Variants in EIF3H observed in about 807,000 individuals in gnomAD.
The protein encoded by EIF3H is eIF-3-gamma.
In EIF3H, 26 loss-of-function variants were observed where a neutral mutation model predicts 44.2. The observed-to-expected ratio is 0.59, with a 90% CI of 0.43 to 0.82. The LOEUF (loss-of-function observed/expected upper bound fraction) is 0.82. EIF3H is among the 40% of genes least tolerant of loss of function. The pLI, the probability that EIF3H is intolerant of heterozygous loss-of-function variation, is 0.00. For synonymous variants in EIF3H, 166 were observed against 151.9 expected (o/e 1.09, Z -0.68); for missense variants, 359 against 432.8 (o/e 0.83, Z 1.51).
intron 2 of EIF3H, among the ~76,000 whole-genome samples, chr8:116,668,974 G>A (rs7833618): frequency 0.037 from 5,577 of 152,108 alleles, 333 homozygotes; most frequent in African/African-American, 0.13. Flanking sequence ...GGAGTGTTAC[G>A]CAAGCTCCCC....
At chr8:116,729,593 T>C (rs1487364403) in intron 1 of EIF3H, among the ~76,000 whole-genome samples, 1 of 152,184 alleles carries the variant, frequency 6.6e-6, no homozygotes, top group Non-Finnish European at 1.5e-5. Flanking sequence ...TTATCCTCAG[T>C]TCTTTACAAT....
intron 2 of EIF3H, among the ~76,000 whole-genome samples, chr8:116,700,858 T>C (rs1814363220): frequency 6.6e-6 from 1 of 152,202 alleles, no homozygotes; most frequent in Non-Finnish European, 1.5e-5. Context: ...CTATCACTGC[T>C]AATTTACTTA....
At chr8:116,729,839 T>C (rs895971780) in intron 1 of EIF3H, among the ~76,000 whole-genome samples, 1 of 152,184 alleles carries the variant, frequency 6.6e-6, no homozygotes, top group Admixed American at 6.5e-5. Flanking sequence ...TTAGTCTTAC[T>C]TTGAAGGCAA....
intron 2 of EIF3H, among the ~76,000 whole-genome samples, chr8:116,707,565 C>G (rs80201052): frequency 6.6e-6 from 1 of 151,598 alleles, no homozygotes; most frequent in African/African-American, 2.4e-5. Flanking sequence ...ACGTGAGATA[C>G]TTATTTGATA....
At chr8:116,688,216 C>G (rs1369284255) in intron 2 of EIF3H, among the ~76,000 whole-genome samples, 5 of 152,078 alleles carry the variant, frequency 3.3e-5, no homozygotes, top group South Asian at 4.1e-4. Context: ...ATGCAATATG[C>G]TTGAAACACA....
At chr8:116,751,804 G>A (rs1279250983) in intron 1 of EIF3H, among the ~76,000 whole-genome samples, 1 of 152,164 alleles carries the variant, frequency 6.6e-6, no homozygotes, top group East Asian at 1.9e-4. Flanking sequence ...CCCAGACATT[G>A]TTCTAGTTAT....
intron 2 of EIF3H, among the ~76,000 whole-genome samples, chr8:116,714,513 T>C (rs1332953577): frequency 1.3e-5 from 2 of 152,234 alleles, no homozygotes; most frequent in Admixed American, 1.3e-4. Flanking sequence ...GCTGGCTAAA[T>C]GCTGAAGTGA....
upstream of EIF3H, chr8:116,755,890 G>T: frequency 1.9e-6 from 3 of 1,567,384 alleles, no homozygotes; most frequent in Non-Finnish European, 2.6e-6. Flanking sequence ...GGCGTTCGAG[G>T]GGCGGAGACG....
At chr8:116,666,964 T>C (rs929694511) in intron 2 of EIF3H, among the ~76,000 whole-genome samples, 1 of 152,210 alleles carries the variant, frequency 6.6e-6, no homozygotes, top group Non-Finnish European at 1.5e-5. Flanking sequence ...TGTGTGTGCA[T>C]ACACCTGTGT....
At chr8:116,687,850 C>CGTA (rs1814102154) in intron 2 of EIF3H, among the ~76,000 whole-genome samples, 1 of 151,926 alleles carries the variant, frequency 6.6e-6, no homozygotes, top group South Asian at 2.1e-4. Context: ...TCCAAGATAC[C>CGTA]CATCTAGAAT....
chr8:116,661,426 T>C (rs1363323208), intron 2 of EIF3H, among the ~76,000 whole-genome samples: 1 of 152,202 alleles, frequency 6.6e-6, no homozygotes, highest in African/African-American at 2.4e-5. Flanking sequence ...AGACTTGGAA[T>C]CTAGAGGTCG....
intron 2 of EIF3H, among the ~76,000 whole-genome samples, chr8:116,717,501 C>T (rs934813788): frequency 6.6e-5 from 10 of 151,942 alleles, no homozygotes; most frequent in African/African-American, 2.4e-4. Context: ...CTTCAAACTA[C>T]TGTGAGGCCA....
chr8:116,671,492 G>A (rs751279680), intron 2 of EIF3H, among the ~76,000 whole-genome samples: 4 of 152,284 alleles, frequency 2.6e-5, no homozygotes, highest in East Asian at 1.9e-4. Flanking sequence ...AGACCAACGC[G>A]TTAAATGGCT....
intron 2 of EIF3H, among the ~76,000 whole-genome samples, chr8:116,680,198 T>TGGA (rs1554599272): frequency 2.0e-4 from 1 of 5,088 alleles, no homozygotes; most frequent in Non-Finnish European, 6.7e-4. Flanking sequence ...TCCGGGAGGG[T>TGGA]GGGGGGGGGG....
intron 2 of EIF3H, among the ~76,000 whole-genome samples, chr8:116,698,130 T>C (rs1814301110): frequency 6.6e-6 from 1 of 152,160 alleles, no homozygotes; most frequent in Non-Finnish European, 1.5e-5. Flanking sequence ...CCGAGGGCCA[T>C]TATCATGGCT....
At chr8:116,762,760 T>A (rs1008539539) in intron 1 of EIF3H, among the ~76,000 whole-genome samples, 4 of 152,058 alleles carry the variant, frequency 2.6e-5, no homozygotes, top group African/African-American at 9.7e-5. Flanking sequence ...CTGGCCAGCA[T>A]AGTGAAACCC....
At chr8:116,672,827 G>C (rs957258338) in intron 2 of EIF3H, among the ~76,000 whole-genome samples, 47 of 151,942 alleles carry the variant, frequency 3.1e-4, no homozygotes, top group African/African-American at 1.1e-3. Flanking sequence ...CTCAAGATCT[G>C]TCATCAGATC....
At chr8:116,745,413 T>A (rs1047711784) in intron 1 of EIF3H, among the ~76,000 whole-genome samples, 2 of 152,152 alleles carry the variant, frequency 1.3e-5, no homozygotes, top group African/African-American at 4.8e-5. Flanking sequence ...TTAAGTCATC[T>A]CCTCCATGAG....
At chr8:116,665,526 A>T (rs547924084) in intron 2 of EIF3H, among the ~76,000 whole-genome samples, 1 of 152,196 alleles carries the variant, frequency 6.6e-6, no homozygotes, top group Non-Finnish European at 1.5e-5. Context: ...AGGAGATGCA[A>T]ATAGCTTAAA....
Sources: gnomAD v4.1 joint callset for allele counts (sites outside exome capture counted in the v4.1 genomes callset) on GRCh38, gnomAD v4.1.1 for gene constraint, MANE v1.5 for transcripts, NCBI Gene and HGNC (gene_info 2026-07-23, HGNC 2026-07-21) for gene names.